Variants in COL6A6 observed in about 807,000 individuals in gnomAD.
COL6A6 encodes collagen type VI alpha 6 chain, also known as collagen alpha-6(VI) chain.
A neutral mutation model predicts 208.6 loss-of-function variants in COL6A6; 183 were observed. The observed-to-expected ratio is 0.88, with a 90% CI of 0.78 to 0.99. COL6A6 has a LOEUF of 0.99. Among genes scored for constraint, COL6A6 ranks in the 50% least tolerant of loss-of-function variants. COL6A6 has a pLI of 0.00. For synonymous variants in COL6A6, 973 were observed against 1,011.8 expected (o/e 0.96, Z 0.73); for missense variants, 2,816 against 2,815.2 (o/e 1.00, Z -0.01).
chr3:130,626,376 C>A, intron 24 of COL6A6, 109 bp from the exon 25 acceptor site: 2 of 813,090 alleles, frequency 2.5e-6, no homozygotes, highest in Non-Finnish European at 2.2e-6. Flanking sequence ...ACTTGCACGA[C>A]ACACAGTTCT....
Position 130,581,783 on chromosome 3 carries a change from A to G in COL6A6, c.3770A>G (p.Tyr1257Cys). ...MEKYSPKFEI[Y>C]SENILNSLKD... ...AAATATTCTCCCAAGTTTGAGATCT[A>G]CAGTGAAAACATACTGAATAGCTTG... The change falls in exon 9 of 37, where the codon TAC (tyrosine) becomes TGC (cysteine). Residue 1257 changes from tyrosine to cysteine, a missense_variant. Transcript: ENST00000358511. 6.2e-7 allele frequency: 1 copy of G among 1,613,834 alleles called. No individual in the cohort carries two copies. The highest frequency in any genetic ancestry group is 8.5e-7 in the Non-Finnish European group (1 of 1,179,700).
intron 8 of COL6A6, among the ~76,000 whole-genome samples, chr3:130,580,125 A>C (rs1350413425): frequency 6.6e-6 from 1 of 152,204 alleles, no homozygotes; most frequent in Non-Finnish European, 1.5e-5. Context: ...CCTTAAAGAC[A>C]TTATCATATC....
chr3:130,552,302 A>C (rs1053224339), intron 1 of COL6A6, among the ~76,000 whole-genome samples: 2 of 152,162 alleles, frequency 1.3e-5, no homozygotes, highest in Non-Finnish European at 2.9e-5. Flanking sequence ...GAACTTGCTT[A>C]GTGAATCTGG....
At chr3:130,521,123 C>CAGGAAAAAAAAAAA (rs1248160685) in intron 1 of COL6A6, among the ~76,000 whole-genome samples, 1 of 152,160 alleles carries the variant, frequency 6.6e-6, no homozygotes, top group East Asian at 1.9e-4. Context: ...TGATTTGACT[C>CAGGAAAAAAAAAAA]TAAAATATTT....
At chr3:130,576,152 G>A (rs1013825207) in intron 8 of COL6A6, among the ~76,000 whole-genome samples, 5 of 152,256 alleles carry the variant, frequency 3.3e-5, no homozygotes, top group Admixed American at 2.6e-4. Flanking sequence ...CAGCGTGATT[G>A]CCTCTTCTTT....
intron 1 of COL6A6, among the ~76,000 whole-genome samples, chr3:130,543,966 G>A (rs2062434531): frequency 6.6e-6 from 1 of 152,024 alleles, no homozygotes; most frequent in Admixed American, 6.5e-5. Context: ...GATATATATA[G>A]TAAAACGATC....
chr3:130,598,322 A>G (rs1281213243), intron 18 of COL6A6, 43 bp from the exon 19 acceptor site: 3 of 1,312,134 alleles, frequency 2.3e-6, no homozygotes, highest in Non-Finnish European at 3.2e-6. Flanking sequence ...TTAAGGAGAA[A>G]TGTCCAAATA....
At chr3:130,661,527 C>A in intron 34 of COL6A6, 110 bp from the exon 35 acceptor site, 3 of 809,240 alleles carry the variant, frequency 3.7e-6, no homozygotes, top group Non-Finnish European at 5.8e-6. Context: ...AGTATTTAGT[C>A]ACTATTTTAA....
At chr3:130,525,230 G>T in intron 1 of COL6A6, among the ~76,000 whole-genome samples, 1 of 151,800 alleles carries the variant, frequency 6.6e-6, no homozygotes, top group South Asian at 2.1e-4. Flanking sequence ...TGCTTCAAAA[G>T]CCTAGAAACT....
At chr3:130,599,511 TAGAC>T (rs983410879) in intron 19 of COL6A6, among the ~76,000 whole-genome samples, 1 of 152,196 alleles carries the variant, frequency 6.6e-6, no homozygotes, top group African/African-American at 2.4e-5. Context: ...AAATACAACT[TAGAC>T]AGTAGTGATG....
chr3:130,658,459 A>T (rs1466611908), intron 33 of COL6A6, among the ~76,000 whole-genome samples: 2 of 152,226 alleles, frequency 1.3e-5, no homozygotes, highest in Non-Finnish European at 2.9e-5. Context: ...TATTTTACAG[A>T]TGAAGAAACA....
At position 130,568,113 on chromosome 3, in the gene COL6A6, A is replaced by C. The variant is rs2063072338; in HGVS notation, c.1910A>C (p.Asn637Thr). The change falls in exon 6 of 37, where the codon AAC becomes ACC. Residue 637 changes from asparagine to threonine, a missense_variant. Physicochemically the swap from Asn to Thr is moderately conservative, Grantham distance 65. Transcript: ENST00000358511. ...AGTTCTGGAAGTATAGGACCTGAAA[A>C]CTTCAGCAAAATGAAAACATTTATG... The part of the protein sequence containing the change: ...VDSSGSIGPE[N>T]FSKMKTFMKN... The C allele has an allele frequency of 6.2e-7, 1 of 1,613,846 alleles. No homozygotes were observed. Among genetic ancestry groups the C allele is most frequent in the Admixed American group, 1.7e-5 (1 of 60,000 alleles).
At chr3:130,548,503 A>G (rs1287118100) in intron 1 of COL6A6, among the ~76,000 whole-genome samples, 1 of 152,196 alleles carries the variant, frequency 6.6e-6, no homozygotes, top group Non-Finnish European at 1.5e-5. Flanking sequence ...AGGTCAGTTA[A>G]GCTCTGATAA....
chr3:130,639,250 A>ATCTTC (rs60692559), intron 28 of COL6A6, among the ~76,000 whole-genome samples: 55,403 of 151,648 alleles, frequency 0.37, 13,202 homozygotes, highest in African/African-American at 0.66. Flanking sequence ...TGATTAAAAT[A>ATCTTC]TCTTACCTTT....
In COL6A6 at chr3:130,573,964, A is replaced by G. The variant is rs754770191; in HGVS notation, c.2986A>G (p.Ile996Val). ...CCTTCTCTTCTTTGTAGATTGTGAA[A>G]TTGACAAAGTAGATCTTGTTTTCCT... ...VCNSSKVDCE[I>V]DKVDLVFLMD... is the part of the protein sequence containing the mutation. Residue 996 changes from isoleucine to valine, a missense_variant, in exon 8 of 37, where the codon ATT becomes GTT. Coordinates refer to ENST00000358511, the MANE Select transcript of COL6A6 (RefSeq NM_001102608.3). 7.5e-6 allele frequency: 12 copies of G among 1,605,026 alleles called. No homozygotes were observed. The highest frequency in any genetic ancestry group is 6.7e-5 in the Admixed American group (4 of 59,812).
chr3:130,621,698 A>G, intron 23 of COL6A6, 123 bp from the exon 24 acceptor site: 2 of 682,204 alleles, frequency 2.9e-6, no homozygotes, highest in Non-Finnish European at 4.9e-6. Flanking sequence ...TTTCCAGAGC[A>G]AGGATCGATA....
In COL6A6 at chr3:130,565,046, C is replaced by A; in HGVS notation, c.714C>A (p.Ile238=). ...ADVVFLLDMS[I]NGSEENFDYL... ...TTGTGTTCCTATTGGATATGTCAAT[C>A]AATGGAAGTGAGGAGAACTTTGACT... is the stretch of plus-strand genomic sequence containing the variant. The change falls in exon 4 of 37, where the codon ATC becomes ATA. Residue 238 remains isoleucine (I), a synonymous_variant. Transcript: ENST00000358511. 1 of 1,613,918 alleles carries A rather than the reference C, an allele frequency of 6.2e-7. No individual in the cohort carries two copies. The highest frequency in any genetic ancestry group is 1.1e-5 in the South Asian group (1 of 91,078).
chr3:130,561,634 CTTTTTTTTTTT>C (rs398052265), intron 2 of COL6A6, among the ~76,000 whole-genome samples: 5 of 75,974 alleles, frequency 6.6e-5, no homozygotes, highest in South Asian at 1.1e-3. Context: ...GTTGAATCTA[CTTTTTTTTTTT>C]TTTTTTTTTT....
chr3:130,624,067 G>A (rs751751590), intron 24 of COL6A6, among the ~76,000 whole-genome samples: 4 of 152,126 alleles, frequency 2.6e-5, no homozygotes, highest in Admixed American at 2.6e-4. Context: ...AGAAATGTGC[G>A]AGGAGAAAAT....
Sources: allele counts gnomAD v4.1 joint callset (sites outside exome capture counted in the v4.1 genomes callset), GRCh38; gene constraint gnomAD v4.1.1; transcripts MANE v1.5; gene names NCBI Gene and HGNC (gene_info 2026-07-23, HGNC 2026-07-21).